The following WDR64 variants were observed in gnomAD, a reference collection of about 807,000 sequenced individuals.
WDR64 encodes WD repeat-containing protein 64.
In WDR64, 112 loss-of-function variants were observed where a neutral mutation model predicts 139.3. The observed-to-expected ratio is 0.80, with a 90% CI of 0.69 to 0.94. The LOEUF (loss-of-function observed/expected upper bound fraction) is 0.94, where lower values mean the gene tolerates loss of function less well. WDR64 is among the 40% of genes least tolerant of loss of function. The pLI is 0.00. For synonymous variants in WDR64, 444 were observed against 437.7 expected (o/e 1.01, Z -0.18); for missense variants, 1,206 against 1,293.1 (o/e 0.93, Z 1.03).
intron 15 of WDR64, among the ~76,000 whole-genome samples, chr1:241,763,253 A>G (rs1658004058): frequency 6.6e-6 from 1 of 152,224 alleles, no homozygotes; most frequent in East Asian, 1.9e-4. Flanking sequence ...AAGAAAAACT[A>G]TGGTGATAAA....
intron 15 of WDR64, among the ~76,000 whole-genome samples, chr1:241,760,643 T>C (rs1670392903): frequency 6.7e-6 from 1 of 150,278 alleles, no homozygotes; most frequent in East Asian, 1.9e-4. Context: ...AGTCCAAGCA[T>C]GTATTAGCAA....
At chr1:241,709,083 T>C (rs1256147444) in intron 8 of WDR64, among the ~76,000 whole-genome samples, 2 of 152,220 alleles carry the variant, frequency 1.3e-5, no homozygotes, top group Non-Finnish European at 1.5e-5. Flanking sequence ...CTGCTGAGTA[T>C]GGATCTCTCC....
rs957272878 is a variant in WDR64 at position 241,657,146 on chromosome 1, G to T, written c.146-3384G>T. The stretch of plus-strand genomic sequence containing the variant: ...TGGGGACACTTTCAAGACTGAAAGG[G>T]AATGTTATTAATAATTTTAAAAAGA... On this transcript the variant is annotated intron_variant, in intron 1 of 27. Transcript: ENST00000437684. Among the ~76,000 whole-genome samples, 7 of 151,952 alleles carry T rather than the reference G, an allele frequency of 4.6e-5. No homozygotes were observed. The South Asian group carries it at 1.5e-3, about 32-fold the overall frequency.
Position 241,656,910 on chromosome 1 carries a change from GTC to G in WDR64, c.146-3618_146-3617del, listed in dbSNP as rs759386635. 8.3e-3 allele frequency among the ~76,000 whole-genome samples: 1,224 copies of G among 147,656 alleles called. 16 individuals carry two copies. Among genetic ancestry groups the G allele is most frequent in the African/African-American group, 0.014 (533 of 38,492 alleles). On this transcript the variant is annotated intron_variant, in intron 1 of 27. Transcript: ENST00000437684. This position sits in a 1 kb window ranked among gnomAD's most constrained non-coding sequence, Gnocchi z 4.3. The stretch of plus-strand genomic sequence containing the variant: ...TGTGTGTGTGTGTGTGTGTGTGTGT[GTC>G]TGTCTGGGGATGGAGGTGAGGTGCA...
intron 8 of WDR64, among the ~76,000 whole-genome samples, chr1:241,692,028 T>TAAAAAAAAA (rs77284427): frequency 6.2e-5 from 7 of 113,734 alleles, no homozygotes; most frequent in Non-Finnish European, 9.7e-5. Flanking sequence ...AATAAAAAAA[T>TAAAAAAAAA]AAAAAAAAAA....
intron 12 of WDR64, among the ~76,000 whole-genome samples, chr1:241,742,544 C>T (rs1340106345): frequency 6.6e-6 from 1 of 152,188 alleles, no homozygotes; most frequent in African/African-American, 2.4e-5. Flanking sequence ...TTACAAATGT[C>T]ATGGCAACGT....
chr1:241,670,640 G>A (rs1303529160), intron 2 of WDR64, among the ~76,000 whole-genome samples: 1 of 152,190 alleles, frequency 6.6e-6, no homozygotes, highest in African/African-American at 2.4e-5. Flanking sequence ...GAACTGGGCC[G>A]CACAGCAGGA....
intron 8 of WDR64, among the ~76,000 whole-genome samples, chr1:241,706,239 G>C (rs998520420): frequency 1.3e-5 from 2 of 152,236 alleles, no homozygotes; most frequent in African/African-American, 4.8e-5. Context: ...CCGCCACAGA[G>C]TGGCAAGGCT....
chr1:241,746,035 C>T (rs148442272), intron 13 of WDR64, among the ~76,000 whole-genome samples: 7 of 152,260 alleles, frequency 4.6e-5, no homozygotes, highest in Non-Finnish European at 2.9e-5. Context: ...TCCTATAATG[C>T]CACAGAGTCC....
At chr1:241,749,835 G>T in intron 14 of WDR64, 113 bp downstream of exon 14, 2 of 1,221,812 alleles carry the variant, frequency 1.6e-6, no homozygotes, top group South Asian at 1.5e-5. Flanking sequence ...GCTGAAGATG[G>T]TATTTATCCT....
chr1:241,715,413 G>A (rs183834366), intron 9 of WDR64, among the ~76,000 whole-genome samples: 4 of 152,216 alleles, frequency 2.6e-5, no homozygotes, highest in Admixed American at 6.5e-5. Context: ...TACTTCCAAC[G>A]GAAATGGGCA....
At chr1:241,784,480 A>G (rs1658960836) in intron 23 of WDR64, among the ~76,000 whole-genome samples, 1 of 152,192 alleles carries the variant, frequency 6.6e-6, no homozygotes, top group Non-Finnish European at 1.5e-5. Context: ...AATGTCAAGA[A>G]TGACACCTGG....
At chr1:241,767,989 T>C (rs371984449) in intron 16 of WDR64, among the ~76,000 whole-genome samples, 1 of 152,312 alleles carries the variant, frequency 6.6e-6, no homozygotes, top group East Asian at 1.9e-4. Context: ...TTCTTGCTAA[T>C]GCTTTCACGC....
In WDR64 at chr1:241,801,755, C is replaced by A. The variant is rs535965328; in HGVS notation, c.*540C>A. ...AGAAATTATTTCTATGTAGTCCAGA[C>A]CTGACTCCAGATAAATATAAAAGAC... is the stretch of plus-strand genomic sequence containing the variant. On this transcript the variant is annotated 3_prime_UTR_variant, in exon 28 of 28. Coordinates refer to ENST00000437684, the MANE Select transcript of WDR64 (RefSeq NM_001367482.1). The A allele has an allele frequency of 5.4e-4, 216 of 398,282 alleles. No individual in the cohort carries two copies. The highest frequency in any genetic ancestry group is 8.6e-4 in the Non-Finnish European group (195 of 225,982). The allele number at this position is 398,282 out of a possible 1,614,324, so 24.7% of individuals were successfully genotyped here. A position where few individuals can be genotyped will look rare whatever the true frequency, so the allele number is the denominator to read the frequency against.
intron 4 of WDR64, 21 bp from the exon 5 acceptor site, chr1:241,678,166 A>C (rs1666632592): frequency 5.0e-6 from 2 of 398,744 alleles, no homozygotes; most frequent in Non-Finnish European, 8.9e-6. Flanking sequence ...AGGTTTCATT[A>C]TTCTCTTCCT....
At chr1:241,743,921 C>T (rs985377941) in intron 12 of WDR64, among the ~76,000 whole-genome samples, 4 of 152,204 alleles carry the variant, frequency 2.6e-5, no homozygotes, top group East Asian at 1.9e-4. Context: ...TGTCTCTAGT[C>T]AGAACATTCC....
intron 8 of WDR64, among the ~76,000 whole-genome samples, chr1:241,689,541 G>A (rs938918113): frequency 3.3e-5 from 5 of 152,140 alleles, no homozygotes; most frequent in South Asian, 4.1e-4. Context: ...AAGATGCTCT[G>A]ACAATCCTTA....
At chr1:241,779,628 C>G (rs1222693604) in intron 21 of WDR64, among the ~76,000 whole-genome samples, 2 of 152,062 alleles carry the variant, frequency 1.3e-5, no homozygotes, top group East Asian at 3.9e-4. Flanking sequence ...GAGTTCAAGA[C>G]CAGCTTGTCC....
intron 15 of WDR64, among the ~76,000 whole-genome samples, chr1:241,761,400 T>A (rs1657888556): frequency 6.6e-6 from 1 of 152,100 alleles, no homozygotes; most frequent in Non-Finnish European, 1.5e-5. Flanking sequence ...TATAATTTGG[T>A]ATACTTTAAT....
Sources: gnomAD v4.1 joint callset for allele counts (sites outside exome capture counted in the v4.1 genomes callset) on GRCh38, gnomAD v4.1.1 for gene constraint, Gnocchi (gnomAD v3.1) non-coding constraint, MANE v1.5 for transcripts, NCBI Gene and HGNC (gene_info 2026-07-23, HGNC 2026-07-21) for gene names.